The following SEMA3A variants were observed in gnomAD, a reference collection of about 807,000 sequenced individuals.
SEMA3A encodes semaphorin-3A.
A neutral mutation model predicts 97.9 loss-of-function variants in SEMA3A; 29 were observed. The ratio of observed to expected loss-of-function variants is 0.30; its 90% confidence interval spans 0.22 to 0.40. The LOEUF is 0.40. SEMA3A is among the 10% of genes least tolerant of loss of function. The pLI, the probability that SEMA3A is intolerant of heterozygous loss-of-function variation, is 1.00. For synonymous variants in SEMA3A, 321 were observed against 323.7 expected, an observed-to-expected ratio of 0.99 and a Z score of 0.09; for missense variants, 763 against 951.3, an observed-to-expected ratio of 0.80 and a Z score of 2.60.
chr7:84,201,754 C>G (rs1798364016), intron 3 of SEMA3A, among the ~76,000 whole-genome samples: 1 of 152,064 alleles, frequency 6.6e-6, no homozygotes, highest in Admixed American at 6.6e-5. Flanking sequence ...TCAAACAGAA[C>G]AGAAATAACA....
chr7:84,046,760 C>T (rs1304805210), intron 5 of SEMA3A, among the ~76,000 whole-genome samples: 1 of 152,002 alleles, frequency 6.6e-6, no homozygotes, highest in Non-Finnish European at 1.5e-5. Context: ...ACTATGACCA[C>T]TGACAAACTC....
At position 84,046,392 on chromosome 7, in the gene SEMA3A, G is replaced by A. The variant is rs1010342541; in HGVS notation, c.599C>T (p.Ala200Val). 22 of 1,613,082 alleles carry A rather than the reference G, an allele frequency of 1.4e-5. No individual in the cohort carries two copies. In the Admixed American group the frequency reaches 1.8e-4, roughly 13 times the overall value. ...TAADFMGRDFAIFRTLGHHHP... is the reference protein window; with the variant it reads ...TAADFMGRDFVIFRTLGHHHP... The stretch of plus-strand genomic sequence containing the variant: ...GTGGTGCCCAAGAGTTCGGAAGATA[G>A]CAAAGTCTCGCCCCATAAAATCAGC... The change falls in exon 6 of 17, where the codon GCT becomes GTT. Residue 200 changes from alanine to valine, a missense_variant. Ala to Val is a moderately conservative substitution (Grantham distance 64). Transcript: ENST00000265362.
At chr7:84,055,448 G>A (rs1239232751) in intron 5 of SEMA3A, among the ~76,000 whole-genome samples, 1 of 152,212 alleles carries the variant, frequency 6.6e-6, no homozygotes, top group Non-Finnish European at 1.5e-5. Context: ...CAGTATTCGG[G>A]TGGGAGTGAC....
At chr7:84,435,605 AAAACAAAC>A (rs368458406) in intron 1 of SEMA3A, among the ~76,000 whole-genome samples, 2 of 152,154 alleles carry the variant, frequency 1.3e-5, no homozygotes, top group East Asian at 3.9e-4. Context: ...AAATTCTGTC[AAAACAAAC>A]AAACAAACAA....
chr7:84,280,088 G>A (rs1800402566), intron 3 of SEMA3A, among the ~76,000 whole-genome samples: 1 of 152,028 alleles, frequency 6.6e-6, no homozygotes, highest in South Asian at 2.1e-4. Flanking sequence ...TTGGAGAGAG[G>A]AGGTTTCATA....
chr7:84,050,103 C>G (rs1792549083), intron 5 of SEMA3A, among the ~76,000 whole-genome samples: 1 of 151,274 alleles, frequency 6.6e-6, no homozygotes, highest in African/African-American at 2.4e-5. Flanking sequence ...TTTTCTTAAT[C>G]CAGTCTATCA....
chr7:84,232,605 C>A (rs1214908368), intron 3 of SEMA3A, among the ~76,000 whole-genome samples: 4 of 151,762 alleles, frequency 2.6e-5, no homozygotes, highest in Non-Finnish European at 5.9e-5. Context: ...TTCACATATT[C>A]TTTTCTTCAT....
At chr7:84,238,373 C>T (rs971283660) in intron 3 of SEMA3A, among the ~76,000 whole-genome samples, 2 of 151,902 alleles carry the variant, frequency 1.3e-5, no homozygotes, top group African/African-American at 4.8e-5. Flanking sequence ...GGTGGAATAA[C>T]CAATTTTCAA....
At chr7:84,088,279 C>A (rs2115834508) in intron 4 of SEMA3A, among the ~76,000 whole-genome samples, 1 of 152,048 alleles carries the variant, frequency 6.6e-6, no homozygotes, top group African/African-American at 2.4e-5. Context: ...CACGGTGAAA[C>A]CCCGTCTCTA....
chr7:84,149,071 G>A (rs1487283233), intron 1 of SEMA3A, among the ~76,000 whole-genome samples: 5 of 152,102 alleles, frequency 3.3e-5, no homozygotes, highest in African/African-American at 9.7e-5. Context: ...AGAGTTAACT[G>A]TATATACAAA....
At chr7:84,483,520 A>G (rs868703452) in intron 1 of SEMA3A, among the ~76,000 whole-genome samples, 4 of 152,116 alleles carry the variant, frequency 2.6e-5, no homozygotes, top group African/African-American at 9.7e-5. Context: ...AATTTCCCTC[A>G]CTTGCCACAT....
At chr7:84,416,014 A>T (rs1340400009) in intron 1 of SEMA3A, among the ~76,000 whole-genome samples, 1 of 152,112 alleles carries the variant, frequency 6.6e-6, no homozygotes, top group East Asian at 1.9e-4. Flanking sequence ...TAGTAGGTAG[A>T]CCAGTAATCT....
intron 1 of SEMA3A, among the ~76,000 whole-genome samples, chr7:84,158,180 A>T (rs1584054730): frequency 3.0e-5 from 3 of 100,336 alleles, no homozygotes; most frequent in African/African-American, 3.9e-5. Flanking sequence ...TTTGAGATGG[A>T]GTCTCACTCT....
chr7:84,295,583 G>A (rs950759085), intron 3 of SEMA3A, among the ~76,000 whole-genome samples: 13 of 151,584 alleles, frequency 8.6e-5, no homozygotes, highest in South Asian at 2.1e-4. Flanking sequence ...CAATTCTTTC[G>A]TCCTTATACT....
At position 84,052,576 on chromosome 7, in the gene SEMA3A, A is replaced by G. The variant is rs558648119; in HGVS notation, c.548-6133T>C. 4.2e-4 allele frequency among the ~76,000 whole-genome samples: 63 copies of G among 151,558 alleles called. 1 individual carries two copies. The East Asian group carries it at 8.7e-3, about 21-fold the overall frequency. ...GGTGATATCCCCTTTGTCATTTTTT[A>G]TTGTGTCTATTTGATTCTTCTCTCT... On this transcript the variant is annotated intron_variant, in intron 5 of 16. Coordinates refer to ENST00000265362, the MANE Select transcript of SEMA3A (RefSeq NM_006080.3).
chr7:84,250,533 C>A (rs1799583496), intron 3 of SEMA3A, among the ~76,000 whole-genome samples: 1 of 152,076 alleles, frequency 6.6e-6, no homozygotes, highest in Non-Finnish European at 1.5e-5. Flanking sequence ...CTGTCTACAT[C>A]TGTGTGGGAC....
intron 2 of SEMA3A, among the ~76,000 whole-genome samples, chr7:84,359,828 T>C (rs1175135775): frequency 6.6e-6 from 1 of 152,146 alleles, no homozygotes; most frequent in Admixed American, 6.6e-5. Context: ...CTGTTATTGG[T>C]CTATTCAGAG....
intron 1 of SEMA3A, among the ~76,000 whole-genome samples, chr7:84,422,765 G>A (rs939874852): frequency 8.6e-5 from 13 of 151,914 alleles, no homozygotes; most frequent in African/African-American, 3.1e-4. Context: ...CCTTCATTTT[G>A]TTATGTACCC....
At chr7:84,158,715 A>G (rs894389787) in intron 1 of SEMA3A, among the ~76,000 whole-genome samples, 3 of 152,208 alleles carry the variant, frequency 2.0e-5, no homozygotes, top group Non-Finnish European at 4.4e-5. Context: ...TGCTCAGAAG[A>G]AATTAATTAA....
Sources: gnomAD v4.1 joint callset for allele counts (sites outside exome capture counted in the v4.1 genomes callset) on GRCh38, gnomAD v4.1.1 for gene constraint, MANE v1.5 for transcripts, NCBI Gene and HGNC (gene_info 2026-07-23, HGNC 2026-07-21) for gene names.